RFX2: variants seen among roughly 807,000 people sequenced by gnomAD.
RFX2 encodes DNA-binding protein RFX2.
Under a neutral mutation model 87.8 loss-of-function variants are expected in RFX2, and 20 were observed. The observed-to-expected ratio is 0.23, with a 90% confidence interval of 0.16 to 0.33. The LOEUF is 0.33. Ranked by LOEUF, RFX2 falls within the 10% of genes least tolerant of loss-of-function variation. The pLI is 1.00. For synonymous variants in RFX2, 397 were observed against 431.3 expected (o/e 0.92, Z 0.98); for missense variants, 767 against 1,012.3 (o/e 0.76, Z 3.29).
At chr19:6,041,927 T>G in intron 4 of RFX2, 117 bp downstream of exon 4, 1 of 812,814 alleles carries the variant, frequency 1.2e-6, no homozygotes, top group Non-Finnish European at 2.2e-6. Flanking sequence ...TTAACAGTAT[T>G]TAGTGAACAC....
At chr19:5,995,003 A>G in intron 17 of RFX2, 53 bp from the exon 18 acceptor site, 1 of 1,395,340 alleles carries the variant, frequency 7.2e-7, no homozygotes, top group Non-Finnish European at 1.0e-6. Context: ...CACGAGAGGG[A>G]GAGAAGGAAG....
At position 6,018,776 on chromosome 19, in the gene RFX2, C is replaced by T. The variant is rs538274991; in HGVS notation, c.598-2505G>A. On this transcript the variant is annotated intron_variant, in intron 6 of 17. Transcript: ENST00000303657. Reference sequence around the variant, plus strand: ...GTGTGGGTCCAACCTCACGTCCTGCCTCTGGGGCAAGCCAGGAGGGCTTCA... The same window carrying T: ...GTGTGGGTCCAACCTCACGTCCTGCTTCTGGGGCAAGCCAGGAGGGCTTCA... Among the ~76,000 whole-genome samples, 8 of 152,352 alleles carry T rather than the reference C, an allele frequency of 5.3e-5. No individual in the cohort carries two copies. In the East Asian group the frequency reaches 1.3e-3, roughly 26 times the overall value.
intron 5 of RFX2, among the ~76,000 whole-genome samples, chr19:6,038,348 A>AAC (rs1555776496): frequency 1.3e-5 from 2 of 150,636 alleles, no homozygotes; most frequent in African/African-American, 2.4e-5. Context: ...AAAAAAAAAA[A>AAC]AAAACCCAAA....
intron 1 of RFX2, among the ~76,000 whole-genome samples, chr19:6,065,502 C>A (rs1426041227): frequency 6.6e-6 from 1 of 152,082 alleles, no homozygotes; most frequent in Non-Finnish European, 1.5e-5. Context: ...AAAAAATTAG[C>A]CGGGTGCGGT....
At chr19:6,019,336 T>G (rs1314892188) in intron 6 of RFX2, among the ~76,000 whole-genome samples, 1 of 152,106 alleles carries the variant, frequency 6.6e-6, no homozygotes, top group Non-Finnish European at 1.5e-5. Flanking sequence ...TCTTCCGACT[T>G]TCTGGACTGG....
chr19:6,054,494 A>G (rs757555562), intron 1 of RFX2, among the ~76,000 whole-genome samples: 4 of 152,200 alleles, frequency 2.6e-5, no homozygotes, highest in Non-Finnish European at 5.9e-5. Context: ...AAATATTAAT[A>G]AATCAAATTC....
At chr19:6,100,422 A>G (rs10418205) in intron 1 of RFX2, among the ~76,000 whole-genome samples, 71,179 of 152,040 alleles carry the variant, frequency 0.47, 19,120 homozygotes, top group African/African-American at 0.75. Context: ...CAGAGACGAC[A>G]GAGCCCAAGG....
At position 6,007,940 on chromosome 19, in the gene RFX2, A is replaced by G; in HGVS notation, c.1135-138T>C. 1 of 786,768 alleles carries G rather than the reference A, an allele frequency of 1.3e-6. No individual in the cohort carries two copies. The highest frequency in any genetic ancestry group is 2.7e-5 in the East Asian group (1 of 37,214). 48.7% of individuals were successfully genotyped at this position (786,768 alleles called of 1,614,324 possible). On this transcript the variant is annotated intron_variant, in intron 10 of 17. Coordinates refer to ENST00000303657, the MANE Select transcript of RFX2 (RefSeq NM_000635.4). This position sits in a 1 kb window ranked among gnomAD's most constrained non-coding sequence, Gnocchi z 8.2. ...CAAGGGAGGCCACAGAGAGGAGAGGAGCAGGCGATGGACATGGATGCGGAG... is the reference window on the plus strand; with the variant it reads ...CAAGGGAGGCCACAGAGAGGAGAGGGGCAGGCGATGGACATGGATGCGGAG...
intron 3 of RFX2, among the ~76,000 whole-genome samples, 188 bp from the exon 4 acceptor site, chr19:6,042,311 A>AT (rs2087122155): frequency 6.6e-6 from 1 of 152,090 alleles, no homozygotes; most frequent in Non-Finnish European, 1.5e-5. Context: ...CATATTCCAA[A>AT]CGGGCCCACA....
At chr19:6,084,397 T>A (rs1303477451) in intron 1 of RFX2, among the ~76,000 whole-genome samples, 1 of 152,142 alleles carries the variant, frequency 6.6e-6, no homozygotes, top group South Asian at 2.1e-4. Flanking sequence ...TTTAACCATG[T>A]TTAATATACA....
At chr19:6,069,010 G>A (rs1025438521) in intron 1 of RFX2, among the ~76,000 whole-genome samples, 17 of 152,162 alleles carry the variant, frequency 1.1e-4, no homozygotes, top group Admixed American at 2.6e-4. Context: ...ATCTGCTGAC[G>A]GGTCAAGGGT....
intron 1 of RFX2, among the ~76,000 whole-genome samples, chr19:6,085,221 G>A (rs891556300): frequency 2.0e-5 from 3 of 152,270 alleles, no homozygotes; most frequent in African/African-American, 7.2e-5. Context: ...ACACTATTTT[G>A]CACACCTACC....
intron 1 of RFX2, among the ~76,000 whole-genome samples, chr19:6,087,765 T>C (rs1030388876): frequency 3.9e-5 from 6 of 152,216 alleles, no homozygotes; most frequent in African/African-American, 1.2e-4. Context: ...GCTGATATCA[T>C]GGAAATAGCT....
chr19:6,054,713 A>G (rs931563294), intron 1 of RFX2, among the ~76,000 whole-genome samples: 2 of 152,182 alleles, frequency 1.3e-5, no homozygotes, highest in Non-Finnish European at 2.9e-5. Context: ...ACCTCACACC[A>G]TACATAAAAA....
intron 1 of RFX2, among the ~76,000 whole-genome samples, chr19:6,093,244 A>C (rs544245476): frequency 1.3e-5 from 2 of 152,256 alleles, no homozygotes; most frequent in South Asian, 4.1e-4. Flanking sequence ...CCTATAAATA[A>C]ATAACTAAGG....
intron 1 of RFX2, among the ~76,000 whole-genome samples, chr19:6,087,203 G>A (rs1294228020): frequency 2.6e-5 from 4 of 152,078 alleles, no homozygotes; most frequent in Admixed American, 6.6e-5. Flanking sequence ...TAGACAGGGC[G>A]ACAGGCATAA....
In RFX2 at chr19:6,010,575, G is replaced by A. The variant is rs891345156; in HGVS notation, c.900-324C>T. Among the ~76,000 whole-genome samples the A allele has an allele frequency of 1.9e-4, 29 of 152,028 alleles. No homozygotes were observed. The highest frequency in any genetic ancestry group is 1.8e-3 in the Admixed American group (27 of 15,272). On this transcript the variant is annotated intron_variant, in intron 8 of 17. Transcript: ENST00000303657. This position sits in a 1 kb window ranked among gnomAD's most constrained non-coding sequence, Gnocchi z 5.0. ...CCTGGCACCCCTGATCTGACTTCCC[G>A]TCTCTGTGAATCTGACGACTCTAGG...
chr19:6,049,058 C>T (rs1229758247), intron 1 of RFX2: 1 of 152,254 alleles, frequency 6.6e-6, no homozygotes, highest in Non-Finnish European at 1.5e-5. Context: ...CTACCTTCTA[C>T]TCTTTCAAAA....
rs1385269615 is a variant in RFX2, at chr19:6,022,537, C to T, written c.597+3626G>A. Among the ~76,000 whole-genome samples the T allele has an allele frequency of 6.6e-6, 1 of 152,196 alleles. No individual in the cohort carries two copies. The highest frequency in any genetic ancestry group is 1.5e-5 in the Non-Finnish European group (1 of 68,018). On this transcript the variant is annotated intron_variant, in intron 6 of 17. Transcript: ENST00000303657. This position sits in a 1 kb window ranked among gnomAD's most constrained non-coding sequence, Gnocchi z 6.2. ...GTCGGCTGGTAGCCTGAGGGCAGCCCGGTGGCCCCCAGGGGCTGAGGCCGC... is the reference window on the plus strand; with the variant it reads ...GTCGGCTGGTAGCCTGAGGGCAGCCTGGTGGCCCCCAGGGGCTGAGGCCGC...
Sources: allele counts gnomAD v4.1 joint callset (sites outside exome capture counted in the v4.1 genomes callset), GRCh38; gene constraint gnomAD v4.1.1; non-coding constraint Gnocchi (gnomAD v3.1); transcripts MANE v1.5; gene names NCBI Gene and HGNC (gene_info 2026-07-23, HGNC 2026-07-21).